SMURF1: variants seen among roughly 807,000 people sequenced by gnomAD.
The protein encoded by SMURF1 is E3 ubiquitin-protein ligase SMURF1.
A neutral mutation model predicts 98.0 loss-of-function variants in SMURF1; 44 were observed. The observed-to-expected ratio is 0.45, with a 90% CI of 0.35 to 0.58. The LOEUF (loss-of-function observed/expected upper bound fraction) is 0.58. SMURF1 is among the 20% of genes least tolerant of loss of function. The pLI is 0.00. For synonymous variants in SMURF1, 396 were observed against 374.9 expected (o/e 1.06, Z -0.65); for missense variants, 687 against 938.4 (o/e 0.73, Z 3.50).
At chr7:99,140,612 G>A (rs1432422819) in intron 1 of SMURF1, among the ~76,000 whole-genome samples, 4 of 151,758 alleles carry the variant, frequency 2.6e-5, no homozygotes, top group African/African-American at 9.7e-5. Flanking sequence ...TAGTAGAGAC[G>A]GGGTTTCACC....
intron 10 of SMURF1, among the ~76,000 whole-genome samples, chr7:99,046,563 T>C (rs1241564800): frequency 6.6e-6 from 1 of 151,300 alleles, no homozygotes; most frequent in African/African-American, 2.4e-5. Flanking sequence ...CCCCCCCATC[T>C]CTACTAAAAA....
chr7:99,051,429 G>A lies in SMURF1; in HGVS notation c.734C>T (p.Thr245Ile). ...CAAAAAGTAAACTTGGCCCTGGACT[G>A]TTGTTCTTTGTTCTACACAAGAAAT... ...ELPEGYEQRT[T>I]VQGQVYFLHT... is the part of the protein sequence containing the mutation. The change falls in exon 8 of 18, where the codon ACA becomes ATA. Residue 245 changes from threonine to isoleucine, a missense_variant. Physicochemically the swap from Thr to Ile is moderately conservative, Grantham distance 89 (BLOSUM62 -1). Coordinates refer to ENST00000361368, the MANE Select transcript of SMURF1 (RefSeq NM_181349.3). The A allele has an allele frequency of 6.2e-7, 1 of 1,613,944 alleles. No homozygotes were observed. Among genetic ancestry groups the A allele is most frequent in the Non-Finnish European group, 8.5e-7 (1 of 1,179,836 alleles).
chr7:99,131,025 A>C (rs1797861134), intron 1 of SMURF1, among the ~76,000 whole-genome samples: 1 of 152,250 alleles, frequency 6.6e-6, no homozygotes, highest in Middle Eastern at 3.2e-3. Context: ...AGCTGCAAGC[A>C]AACAGCCATG....
rs772314030 is a variant in SMURF1, at chr7:99,035,632, T to C, written c.1894A>G (p.Ile632Val). Residue 632 changes from isoleucine to valine, a missense_variant, in exon 16 of 18, where the codon ATC becomes GTC. By Grantham distance (29) the Ile-to-Val change is conservative. This residue lies in a region of SMURF1 where 272 missense variants were observed against 430.0 expected (regional missense o/e 0.63). Transcript: ENST00000361368. ...RLKHCVADSN[I>V]VRWFWQAVET... ...ACCGCTTGCCAGAACCACCGCACGA[T>C]GTTGCTGTCGGCCACACAGTGCTTC... 9 of 1,614,146 alleles carry C rather than the reference T, an allele frequency of 5.6e-6. No homozygotes were observed. The East Asian group carries it at 1.3e-4, about 24-fold the overall frequency.
At chr7:99,066,741 T>C (rs1796202503) in intron 1 of SMURF1, among the ~76,000 whole-genome samples, 1 of 148,146 alleles carries the variant, frequency 6.8e-6, no homozygotes, top group Non-Finnish European at 1.5e-5. Flanking sequence ...ACCACACCAC[T>C]GCACTCCAGC....
At position 99,119,003 on chromosome 7, in the gene SMURF1, ATTTTTTTTTTTTTTTTTTTTTT is replaced by A. The variant is rs67705340; in HGVS notation, c.55+24701_55+24722del. 3.7e-4 allele frequency among the ~76,000 whole-genome samples: 16 copies of A among 42,882 alleles called. 1 individual carries two copies. Among genetic ancestry groups the A allele is most frequent in the Admixed American group, 5.0e-4 (2 of 4,028 alleles). 28.1% of individuals were successfully genotyped at this position (42,882 alleles called of 152,430 possible). A position where few individuals can be genotyped will look rare whatever the true frequency, so the allele number is the denominator to read the frequency against. On this transcript the variant is annotated intron_variant, in intron 1 of 17. Transcript: ENST00000361368. ...AGCCTCCTGAGAAGCTAACATGCCA[ATTTTTTTTTTTTTTTTTTTTTT>A]TTTTTTTTTTTTTTTTTTTAGAGAC...
At chr7:99,055,435 T>C (rs1216646821) in intron 5 of SMURF1, among the ~76,000 whole-genome samples, 2 of 151,682 alleles carry the variant, frequency 1.3e-5, no homozygotes, top group African/African-American at 4.8e-5. Flanking sequence ...GCCACTGAAC[T>C]GCAGCAGGGG....
intron 1 of SMURF1, among the ~76,000 whole-genome samples, chr7:99,065,814 G>A (rs1357920069): frequency 3.3e-5 from 5 of 152,034 alleles, no homozygotes; most frequent in East Asian, 1.9e-4. Flanking sequence ...TTGGGAGGCC[G>A]AGGTGGGAGG....
At chr7:99,030,721 C>A in intron 17 of SMURF1, 38 bp from the exon 18 acceptor site, 1 of 1,577,166 alleles carries the variant, frequency 6.3e-7, no homozygotes, top group South Asian at 1.1e-5. Context: ...TGTGGGCAGT[C>A]CAGCCCTAGG....
chr7:99,141,905 A>G (rs1386680042), intron 1 of SMURF1, among the ~76,000 whole-genome samples: 3 of 152,230 alleles, frequency 2.0e-5, no homozygotes, highest in African/African-American at 7.2e-5. Context: ...AATCCAGGGG[A>G]AAATCCCTGA....
Position 99,052,266 on chromosome 7 carries a change from T to C in SMURF1, c.660A>G (p.Ser220=), listed in dbSNP as rs763007107. 2 of 1,610,996 alleles carry C rather than the reference T, an allele frequency of 1.2e-6. No homozygotes were observed. The highest frequency in any genetic ancestry group is 4.5e-5 in the East Asian group (2 of 44,786). The change falls in exon 7 of 18, where the codon TCA becomes TCG. Residue 220 remains serine (S), a synonymous_variant. Coordinates refer to ENST00000361368, the MANE Select transcript of SMURF1 (RefSeq NM_181349.3). ...GTGGTCGGTTCTGGGGCGTCTGTAG[T>C]GAACCTCGCACATCAGGGTTTCGAA... The part of the protein sequence containing the change: ...QRLRNPDVRG[S]LQTPQNRPHG...
chr7:99,137,853 T>G (rs1276304017), intron 1 of SMURF1, among the ~76,000 whole-genome samples: 1 of 152,258 alleles, frequency 6.6e-6, no homozygotes, highest in Non-Finnish European at 1.5e-5. Flanking sequence ...TTTAAATATC[T>G]AAATGGATTA....
At position 99,036,976 on chromosome 7, in the gene SMURF1, GGC is replaced by G. The variant is rs199933229; in HGVS notation, c.1809+89_1809+90del. Reference sequence around the variant, plus strand: ...GCAGCTCCTAGGCTTACTAGAAAGCGGCACACACTGCCCCCTGCAGCAAGGAT... The same window carrying G: ...GCAGCTCCTAGGCTTACTAGAAAGCGACACACTGCCCCCTGCAGCAAGGAT... On this transcript the variant is annotated intron_variant, in intron 15 of 17. Transcript: ENST00000361368. The G allele has an allele frequency of 6.3e-3, 9,950 of 1,585,358 alleles. 57 individuals are homozygous for G. Among genetic ancestry groups the G allele is most frequent in the Middle Eastern group, 0.022 (96 of 4,388 alleles).
At chr7:99,092,362 C>T (rs952583156) in intron 1 of SMURF1, among the ~76,000 whole-genome samples, 7 of 152,126 alleles carry the variant, frequency 4.6e-5, no homozygotes, top group African/African-American at 1.4e-4. Context: ...TTCCTGGATT[C>T]TGTATTTGTG....
At chr7:99,119,807 G>C (rs1404330349) in intron 1 of SMURF1, among the ~76,000 whole-genome samples, 3 of 152,182 alleles carry the variant, frequency 2.0e-5, no homozygotes, top group African/African-American at 7.2e-5. Context: ...AGGAGAAAGA[G>C]AGATTGTATA....
intron 6 of SMURF1, among the ~76,000 whole-genome samples, chr7:99,053,300 A>G (rs974358981): frequency 6.6e-6 from 1 of 152,098 alleles, no homozygotes; most frequent in Non-Finnish European, 1.5e-5. Flanking sequence ...GACCAGTACA[A>G]TGAACCCCCT....
At chr7:99,139,582 TAAG>T (rs1798067314) in intron 1 of SMURF1, among the ~76,000 whole-genome samples, 1 of 152,184 alleles carries the variant, frequency 6.6e-6, no homozygotes. Flanking sequence ...GTGTACCAGA[TAAG>T]AACAAAGTTT....
intron 1 of SMURF1, among the ~76,000 whole-genome samples, chr7:99,079,205 C>T (rs1258222610): frequency 3.9e-5 from 6 of 152,340 alleles, no homozygotes; most frequent in African/African-American, 1.4e-4. Flanking sequence ...GCCTGGAATC[C>T]TCATTGCTTG....
In SMURF1 at chr7:99,030,410, G is replaced by A; in HGVS notation, c.*174C>T. Reference sequence around the variant, plus strand: ...GTAAAGGAGGGATATATGGGTGGGAGCCACCAACAAAAGTCCCCCATCCCC... The same window carrying A: ...GTAAAGGAGGGATATATGGGTGGGAACCACCAACAAAAGTCCCCCATCCCC... On this transcript the variant is annotated 3_prime_UTR_variant, in exon 18 of 18. Transcript: ENST00000361368. 2 of 605,356 alleles carry A rather than the reference G, an allele frequency of 3.3e-6. No homozygotes were observed. The highest frequency in any genetic ancestry group is 5.9e-6 in the Non-Finnish European group (2 of 340,152). 37.5% of individuals were successfully genotyped at this position (605,356 alleles called of 1,614,324 possible). A position where few individuals can be genotyped will look rare whatever the true frequency, so the allele number is the denominator to read the frequency against.
Sources: allele counts gnomAD v4.1 joint callset (sites outside exome capture counted in the v4.1 genomes callset), GRCh38; gene constraint gnomAD v4.1.1; regional missense constraint gnomAD v4.1.1; transcripts MANE v1.5; gene names NCBI Gene and HGNC (gene_info 2026-07-23, HGNC 2026-07-21).